The following C5 variants were observed in gnomAD, a reference collection of about 807,000 sequenced individuals.
C5 encodes C3 and PZP-like alpha-2-macroglobulin domain-containing protein 4.
In C5, 140 loss-of-function variants were observed where a neutral mutation model predicts 218.8. The observed-to-expected ratio is 0.64, with a 90% confidence interval of 0.56 to 0.74. C5 has a LOEUF of 0.74. Ranked by LOEUF, C5 falls within the 30% of genes least tolerant of loss-of-function variation. The probability of loss-of-function intolerance (pLI) is 0.00; values close to 1 mark genes in which losing one functional copy is unlikely to be tolerated. For missense variants in C5, 1,700 were observed against 1,969.6 expected (o/e 0.86, Z 2.59); for synonymous variants, 614 against 682.3 (o/e 0.90, Z 1.56).
intron 8 of C5, among the ~76,000 whole-genome samples, chr9:121,026,532 C>A (rs2047424954): frequency 6.6e-6 from 1 of 152,082 alleles, no homozygotes; most frequent in South Asian, 2.1e-4. Flanking sequence ...CAGGATAATT[C>A]TTTGTTGTAG....
chr9:120,997,598 T>C lies in C5; in HGVS notation c.2739A>G (p.Ser913=). The part of the protein sequence containing the change: ...LEIGLHNINF[S]LETWFGKEIL... Reference sequence around the variant, plus strand: ...TTTCTTTTCCAAACCAAGTCTCCAGTGAAAAATTGATGTTGTGAAGGCCAA... The same window carrying C: ...TTTCTTTTCCAAACCAAGTCTCCAGCGAAAAATTGATGTTGTGAAGGCCAA... The change falls in exon 21 of 41, where the codon TCA becomes TCG. Residue 913 remains serine, a synonymous_variant. Coordinates refer to ENST00000223642, the MANE Select transcript of C5 (RefSeq NM_001735.3). The C allele has an allele frequency of 1.2e-6, 2 of 1,614,136 alleles. No homozygotes were observed. The highest frequency in any genetic ancestry group is 1.7e-6 in the Non-Finnish European group (2 of 1,180,026).
At chr9:120,993,174 A>G (rs1170166756) in intron 22 of C5, among the ~76,000 whole-genome samples, 1 of 152,198 alleles carries the variant, frequency 6.6e-6, no homozygotes, top group Admixed American at 6.5e-5. Context: ...GGTTGTGGAG[A>G]GACGAGAACC....
intron 7 of C5, 74 bp from the exon 8 acceptor site, chr9:121,027,348 T>G: frequency 1.2e-6 from 1 of 811,884 alleles, no homozygotes; most frequent in South Asian, 1.4e-5. Flanking sequence ...TGTAACAATT[T>G]GAAATTACGT....
At chr9:120,976,567 C>T in intron 29 of C5, 133 bp downstream of exon 29, 1 of 781,846 alleles carries the variant, frequency 1.3e-6, no homozygotes, top group South Asian at 1.4e-5. Flanking sequence ...CTGTAGGGGT[C>T]CTTCAATTCT....
intron 20 of C5, among the ~76,000 whole-genome samples, chr9:120,998,283 G>A (rs1228337011): frequency 6.6e-6 from 1 of 152,186 alleles, no homozygotes; most frequent in Non-Finnish European, 1.5e-5. Flanking sequence ...GCAAACAGAT[G>A]TCTAGAAAAG....
chr9:121,066,484 A>G, the C5 span, among the ~76,000 whole-genome samples: 1 of 152,050 alleles, frequency 6.6e-6, no homozygotes, highest in Admixed American at 6.6e-5. Flanking sequence ...AAAGAGAAAT[A>G]TTTAATGTGG....
At chr9:121,005,872 A>G in intron 20 of C5, 47 bp downstream of exon 20, 1 of 1,591,938 alleles carries the variant, frequency 6.3e-7, no homozygotes, top group Non-Finnish European at 8.6e-7. Context: ...ATTCTCAGAA[A>G]ACCAGAGAAT....
the C5 span, among the ~76,000 whole-genome samples, chr9:121,055,574 C>T: frequency 5.9e-5 from 9 of 152,120 alleles, no homozygotes; most frequent in African/African-American, 1.9e-4. Context: ...AACAGATTCC[C>T]GAAGCCCCCG....
At chr9:121,050,308 A>G, upstream of C5, 1 of 1,286,520 alleles carries the variant, frequency 7.8e-7, no homozygotes, top group Non-Finnish European at 1.1e-6. Context: ...TTTTAAATAA[A>G]CTGAACTTGA....
intron 22 of C5, among the ~76,000 whole-genome samples, chr9:120,995,788 A>G (rs1358734363): frequency 6.6e-6 from 1 of 151,316 alleles, no homozygotes; most frequent in Non-Finnish European, 1.5e-5. Context: ...CTATAATGCT[A>G]TCAAGAAAGA....
At chr9:121,066,234 C>T in the C5 span, among the ~76,000 whole-genome samples, 1 of 147,448 alleles carries the variant, frequency 6.8e-6, no homozygotes, top group Non-Finnish European at 1.5e-5. Flanking sequence ...ATCACTTGAA[C>T]CCGGGAGGCA....
At position 120,977,010 on chromosome 9, in the gene C5, C is replaced by A. The variant is rs1456809035; in HGVS notation, c.3659-105G>T. On this transcript the variant is annotated intron_variant, in intron 28 of 40. Transcript: ENST00000223642. ...CCTTCCAGTTTCTAGAAGCTACTTA[C>A]TTTTTCTTGTTAGAGGAACTTCCTG... The A allele has an allele frequency of 1.5e-5, 15 of 982,772 alleles. No homozygotes were observed. The East Asian group carries it at 3.9e-4, about 25-fold the overall frequency. The allele number at this position is 982,772 out of a possible 1,614,324, so 60.9% of individuals were successfully genotyped here.
chr9:121,002,302 AT>A (rs1429551005), intron 20 of C5, among the ~76,000 whole-genome samples: 11 of 76,668 alleles, frequency 1.4e-4, no homozygotes, highest in African/African-American at 4.5e-4. Context: ...ATATATGTAT[AT>A]ATATATGTGT....
Position 120,974,928 on chromosome 9 carries a change from T to C in C5, c.3868A>G (p.Thr1290Ala), listed in dbSNP as rs1282330313. Reference protein sequence around the residue: ...YGGGFYSTQDTINAIEGLTEY... With the variant: ...YGGGFYSTQDAINAIEGLTEY... Reference sequence around the variant, plus strand: ...GTCAGGCCCTCAATGGCATTGATTGTGTCCTGTCAGCAATCAGCAAGGCAC... The same window carrying C: ...GTCAGGCCCTCAATGGCATTGATTGCGTCCTGTCAGCAATCAGCAAGGCAC... Residue 1290 changes from threonine to alanine, a missense_variant, in exon 30 of 41, where the codon ACA (threonine) becomes GCA (alanine). By Grantham distance (58) the Thr-to-Ala change is moderately conservative (BLOSUM62 0). Transcript: ENST00000223642. 1 of 1,614,196 alleles carries C rather than the reference T, an allele frequency of 6.2e-7. No homozygotes were observed. Among genetic ancestry groups the C allele is most frequent in the Non-Finnish European group, 8.5e-7 (1 of 1,180,000 alleles).
At chr9:121,056,590 A>G in the C5 span, among the ~76,000 whole-genome samples, 2 of 152,160 alleles carry the variant, frequency 1.3e-5, no homozygotes, top group Non-Finnish European at 2.9e-5. Context: ...AAACTGAAAA[A>G]TGCACTGGAG....
chr9:121,038,078 G>A, intron 3 of C5, 127 bp from the exon 4 acceptor site: 1 of 523,616 alleles, frequency 1.9e-6, no homozygotes, highest in Non-Finnish European at 3.5e-6. Context: ...GTCCATATTT[G>A]AAAAAAACAA....
At chr9:121,071,390 T>A in the C5 span, among the ~76,000 whole-genome samples, 1 of 149,472 alleles carries the variant, frequency 6.7e-6, no homozygotes, top group African/African-American at 2.5e-5. Context: ...GAATAAAAAT[T>A]AAAAAAAAAT....
At chr9:121,052,884 G>A (rs1337390377), upstream of C5, among the ~76,000 whole-genome samples, 1 of 152,144 alleles carries the variant, frequency 6.6e-6, no homozygotes, top group Non-Finnish European at 1.5e-5. Context: ...ACAAACTACA[G>A]AACTCTTTTT....
chr9:120,963,251 C>T (rs1470978730), intron 34 of C5, among the ~76,000 whole-genome samples: 1 of 152,156 alleles, frequency 6.6e-6, no homozygotes, highest in Non-Finnish European at 1.5e-5. Flanking sequence ...CGCCTGTAAT[C>T]CCAGCAGTTT....
Sources: allele counts gnomAD v4.1 joint callset (sites outside exome capture counted in the v4.1 genomes callset), GRCh38; gene constraint gnomAD v4.1.1; transcripts MANE v1.5; gene names NCBI Gene and HGNC (gene_info 2026-07-23, HGNC 2026-07-21).